The following C13orf46 variants were observed in gnomAD, a reference collection of about 807,000 sequenced individuals.
The protein encoded by C13orf46 is uncharacterized protein C13orf46.
intron 6 of C13orf46, among the ~76,000 whole-genome samples, chr13:113,961,404 GC>G (rs2052585381): frequency 6.7e-6 from 1 of 148,906 alleles, no homozygotes; most frequent in Non-Finnish European, 1.5e-5. Flanking sequence ...ATGTATAGAA[GC>G]TGGGCAGTCC....
At chr13:113,965,747 T>TGAC (rs1163654851) in intron 5 of C13orf46, among the ~76,000 whole-genome samples, 1 of 16,230 alleles carries the variant, frequency 6.2e-5, no homozygotes, top group Admixed American at 5.7e-4. Context: ...GTGATGATGG[T>TGAC]GATGATGGTG....
At chr13:113,943,788 C>T in the C13orf46 span, among the ~76,000 whole-genome samples, 8 of 152,178 alleles carry the variant, frequency 5.3e-5, no homozygotes, top group African/African-American at 1.7e-4. Context: ...TGAGGGAAGG[C>T]AGCAGGGCCT....
At chr13:113,930,244 A>G in the C13orf46 span, among the ~76,000 whole-genome samples, 1 of 152,216 alleles carries the variant, frequency 6.6e-6, no homozygotes, top group Non-Finnish European at 1.5e-5. Flanking sequence ...ATCATCAAAC[A>G]CACAGCTGCC....
the C13orf46 span, among the ~76,000 whole-genome samples, chr13:113,948,482 C>G: frequency 6.6e-6 from 1 of 152,226 alleles, no homozygotes; most frequent in Non-Finnish European, 1.5e-5. Context: ...TGTGAGCACA[C>G]CGAAGCCCAC....
At chr13:113,935,726 G>A in the C13orf46 span, among the ~76,000 whole-genome samples, 1,620 of 152,264 alleles carry the variant, frequency 0.011, 26 homozygotes, top group African/African-American at 0.037. Flanking sequence ...TTTTCCTGCC[G>A]GGAATGCATT....
chr13:113,967,802 A>G lies in C13orf46; in HGVS notation c.457-414T>C, dbSNP rs995515668. 2.0e-3 allele frequency among the ~76,000 whole-genome samples: 298 copies of G among 152,180 alleles called. 2 individuals carry two copies. The highest frequency in any genetic ancestry group is 6.9e-3 in the African/African-American group (288 of 41,530). On this transcript the variant is annotated intron_variant, in intron 4 of 6. Coordinates refer to ENST00000636427, the MANE Select transcript of C13orf46 (RefSeq NM_001365455.2). Reference sequence around the variant, plus strand: ...CTCGACAAGGCAGCACTCCTGCCCCACAGCCTGCCTGTGGGCCACACTCCA... The same window carrying G: ...CTCGACAAGGCAGCACTCCTGCCCCGCAGCCTGCCTGTGGGCCACACTCCA...
rs2052511678 is a variant in C13orf46 at position 113,955,015 on chromosome 13, T to A, written c.*1758A>T. Reference sequence around the variant, plus strand: ...GATCTGGCAGAGAGGAGGAGTAGGATCTGGCGGAGAGGAGGAGTAGGATCT... The same window carrying A: ...GATCTGGCAGAGAGGAGGAGTAGGAACTGGCGGAGAGGAGGAGTAGGATCT... On this transcript the variant is annotated 3_prime_UTR_variant, in exon 7 of 7. Coordinates refer to ENST00000636427, the MANE Select transcript of C13orf46 (RefSeq NM_001365455.2). 6.8e-6 allele frequency: 1 copy of A among 147,862 alleles called. No homozygotes were observed. The highest frequency in any genetic ancestry group is 1.2e-4 in the South Asian group (1 of 8,626). The allele number at this position is 147,862 out of a possible 1,614,324, so 9.2% of individuals were successfully genotyped here.
intron 1 of C13orf46, among the ~76,000 whole-genome samples, chr13:113,972,304 TAAC>T (rs2052715811): frequency 6.6e-6 from 1 of 152,226 alleles, no homozygotes; most frequent in African/African-American, 2.4e-5. Context: ...TGCAGCCTCC[TAAC>T]TACTCACGCC....
At chr13:113,931,884 C>A in the C13orf46 span, among the ~76,000 whole-genome samples, 1 of 152,138 alleles carries the variant, frequency 6.6e-6, no homozygotes, top group African/African-American at 2.4e-5. Flanking sequence ...TTCTGCTGCA[C>A]CCACAGAGCC....
At chr13:113,950,586 G>T (rs1333052292), downstream of C13orf46, among the ~76,000 whole-genome samples, 1 of 152,338 alleles carries the variant, frequency 6.6e-6, no homozygotes, top group African/African-American at 2.4e-5. Context: ...TCCCTGAGGA[G>T]TTGCTTTCAC....
At chr13:113,940,331 T>A in the C13orf46 span, among the ~76,000 whole-genome samples, 1 of 152,224 alleles carries the variant, frequency 6.6e-6, no homozygotes, top group East Asian at 1.9e-4. Flanking sequence ...CAGCACACAC[T>A]GGCGGGGTGG....
the C13orf46 span, among the ~76,000 whole-genome samples, chr13:113,934,228 CA>C: frequency 2.0e-5 from 3 of 152,270 alleles, no homozygotes; most frequent in Non-Finnish European, 4.4e-5. Flanking sequence ...ATGCGTCGGA[CA>C]CGCACCTGCT....
chr13:113,961,962 G>A (rs920806307), intron 6 of C13orf46, among the ~76,000 whole-genome samples: 43 of 152,272 alleles, frequency 2.8e-4, no homozygotes, highest in African/African-American at 7.7e-4. Context: ...AGAGCTCTGC[G>A]TGATCTGTGG....
intron 2 of C13orf46, among the ~76,000 whole-genome samples, chr13:113,969,092 C>T (rs1174474699): frequency 6.6e-6 from 1 of 152,260 alleles, no homozygotes; most frequent in Non-Finnish European, 1.5e-5. Flanking sequence ...GATGCAGCCA[C>T]CCTGTCGCAG....
At chr13:113,936,450 C>T in the C13orf46 span, among the ~76,000 whole-genome samples, 2 of 152,218 alleles carry the variant, frequency 1.3e-5, no homozygotes, top group African/African-American at 4.8e-5. Flanking sequence ...CCTCCCTCTT[C>T]CGGGCAAGTC....
At chr13:113,940,225 C>A in the C13orf46 span, among the ~76,000 whole-genome samples, 1 of 152,200 alleles carries the variant, frequency 6.6e-6, no homozygotes, top group East Asian at 1.9e-4. Flanking sequence ...TGGGCCGTTT[C>A]CCCGGAAGCG....
At chr13:113,938,640 A>G in the C13orf46 span, among the ~76,000 whole-genome samples, 26,114 of 152,056 alleles carry the variant, frequency 0.17, 2,603 homozygotes, top group African/African-American at 0.24. Flanking sequence ...TGCCCTGTTC[A>G]AGCGTCCTGG....
the C13orf46 span, among the ~76,000 whole-genome samples, chr13:113,947,519 G>A: frequency 6.6e-6 from 1 of 152,126 alleles, no homozygotes; most frequent in African/African-American, 2.4e-5. Context: ...GGGGCCATTA[G>A]GCCTTTTTAT....
At chr13:113,945,693 C>A in the C13orf46 span, among the ~76,000 whole-genome samples, 1 of 150,780 alleles carries the variant, frequency 6.6e-6, no homozygotes, top group Admixed American at 6.6e-5. Flanking sequence ...CAAACCAAGT[C>A]TTCATCTGAG....
Sources: allele counts gnomAD v4.1 joint callset (sites outside exome capture counted in the v4.1 genomes callset), GRCh38; gene constraint gnomAD v4.1.1; transcripts MANE v1.5; gene names NCBI Gene and HGNC (gene_info 2026-07-23, HGNC 2026-07-21).